The following ZSWIM3 variants were observed in gnomAD, a reference collection of about 807,000 sequenced individuals.
ZSWIM3 encodes zinc finger SWIM domain-containing protein 3.
In ZSWIM3, 27 loss-of-function variants were observed where a neutral mutation model predicts 47.5. The ratio of observed to expected loss-of-function variants is 0.57; its 90% confidence interval spans 0.42 to 0.78. ZSWIM3 has a LOEUF of 0.78. Among genes scored for constraint, ZSWIM3 ranks in the 30% least tolerant of loss-of-function variants. The pLI is 0.00. For missense variants in ZSWIM3, 689 were observed against 861.3 expected, an observed-to-expected ratio of 0.80 and a Z score of 2.50; for synonymous variants, 333 against 333.9, an observed-to-expected ratio of 1.00 and a Z score of 0.03.
At chr20:45,872,009 G>A (rs1373745552) in intron 1 of ZSWIM3, among the ~76,000 whole-genome samples, 1 of 152,180 alleles carries the variant, frequency 6.6e-6, no homozygotes, top group African/African-American at 2.4e-5. Context: ...CAGCATAATG[G>A]TTAACTAGTC....
At chr20:45,859,302 C>T (rs1985641186) in intron 1 of ZSWIM3, among the ~76,000 whole-genome samples, 2 of 151,788 alleles carry the variant, frequency 1.3e-5, no homozygotes, top group East Asian at 3.9e-4. Flanking sequence ...TTCTGAAGTC[C>T]AGTGCTATGC....
chr20:45,872,797 G>C (rs993863903), intron 1 of ZSWIM3: 1 of 1,289,298 alleles, frequency 7.8e-7, no homozygotes, highest in African/African-American at 1.5e-5. Context: ...GCTAGAGATG[G>C]CACCACCCCC....
chr20:45,865,059 C>T (rs889265212), intron 1 of ZSWIM3, among the ~76,000 whole-genome samples: 1 of 152,012 alleles, frequency 6.6e-6, no homozygotes, highest in African/African-American at 2.4e-5. Flanking sequence ...TGGCTCACAC[C>T]TGTAATCCCA....
chr20:45,867,414 T>C (rs1353837267), intron 1 of ZSWIM3, among the ~76,000 whole-genome samples: 1 of 152,168 alleles, frequency 6.6e-6, no homozygotes, highest in African/African-American at 2.4e-5. Context: ...ATTTTGACCT[T>C]TTTTGTGATT....
chr20:45,863,131 C>T (rs1438937450), intron 1 of ZSWIM3, among the ~76,000 whole-genome samples: 1 of 151,386 alleles, frequency 6.6e-6, no homozygotes, highest in Non-Finnish European at 1.5e-5. Context: ...ATTATGCCAC[C>T]GTATGGGCAA....
Position 45,857,954 on chromosome 20 carries a change from T to C in ZSWIM3, c.129T>C (p.His43=), listed in dbSNP as rs147767422. 7.0e-5 allele frequency: 88 copies of C among 1,265,356 alleles called. No homozygotes were observed. The highest frequency in any genetic ancestry group is 8.7e-5 in the Non-Finnish European group (83 of 951,700). The allele number at this position is 1,265,356 out of a possible 1,614,324, so 78.4% of individuals were successfully genotyped here. A position where few individuals can be genotyped will look rare whatever the true frequency, so the allele number is the denominator to read the frequency against. ...CCGTCCGCTTCCACAACCTCAACCATGGCACCTCCATCCGCGAAGACATCC... is the reference window on the plus strand; with the variant it reads ...CCGTCCGCTTCCACAACCTCAACCACGGCACCTCCATCCGCGAAGACATCC... ...CVSVRFHNLN[H]GTSIREDILY... The change falls in exon 1 of 2, where the codon CAT becomes CAC. Residue 43 remains histidine, a synonymous_variant. Transcript: ENST00000255152.
At chr20:45,858,447 C>T (rs573872508) in intron 1 of ZSWIM3, among the ~76,000 whole-genome samples, 2 of 152,194 alleles carry the variant, frequency 1.3e-5, no homozygotes, top group Non-Finnish European at 2.9e-5. Context: ...TGCAGTGGCA[C>T]AATCAGCTCA....
intron 1 of ZSWIM3, among the ~76,000 whole-genome samples, chr20:45,869,353 A>G (rs1985915871): frequency 6.6e-6 from 1 of 151,278 alleles, no homozygotes; most frequent in Non-Finnish European, 1.5e-5. Flanking sequence ...CCCTGTCACT[A>G]CTAAAAATAC....
chr20:45,858,056 A>G, intron 1 of ZSWIM3, 76 bp downstream of exon 1: 1 of 1,475,532 alleles, frequency 6.8e-7, no homozygotes, highest in Non-Finnish European at 9.2e-7. Context: ...CTGGAGGAGG[A>G]GGGGTGCATA....
rs565573659 is a variant in ZSWIM3, at chr20:45,876,337, G to A, written c.156-377G>A. Among the ~76,000 whole-genome samples the A allele has an allele frequency of 9.5e-4, 139 of 146,492 alleles. 1 individual carries two copies. The highest frequency in any genetic ancestry group is 3.2e-3 in the African/African-American group (125 of 39,314). ...TGGGATTACAGGTGTGAGCCACCGC[G>A]CCCAGCTGTTTGTTTTTTTGAGATA... On this transcript the variant is annotated intron_variant, in intron 1 of 1. Coordinates refer to ENST00000255152, the MANE Select transcript of ZSWIM3 (RefSeq NM_080752.4).
At chr20:45,872,984 C>G (rs1285541794) in intron 1 of ZSWIM3, among the ~76,000 whole-genome samples, 1 of 152,102 alleles carries the variant, frequency 6.6e-6, no homozygotes. Flanking sequence ...CCACGTCAGG[C>G]CAGGGGGTGA....
chr20:45,866,709 G>A (rs570118570), intron 1 of ZSWIM3, among the ~76,000 whole-genome samples: 103 of 152,160 alleles, frequency 6.8e-4, no homozygotes, highest in South Asian at 6.5e-3. Flanking sequence ...GGCTGAAGCC[G>A]GAGGATCACT....
intron 1 of ZSWIM3, chr20:45,872,921 G>A: frequency 3.4e-6 from 4 of 1,162,944 alleles, no homozygotes; most frequent in Non-Finnish European, 4.3e-6. Flanking sequence ...GAGCAAACTG[G>A]ACCAGCTGGA....
intron 1 of ZSWIM3, among the ~76,000 whole-genome samples, chr20:45,875,781 A>G (rs1056541363): frequency 2.6e-5 from 4 of 151,986 alleles, no homozygotes; most frequent in Non-Finnish European, 5.9e-5. Context: ...GATTACAGGC[A>G]TGAGCCACCA....
At chr20:45,861,908 T>A (rs1985717362) in intron 1 of ZSWIM3, among the ~76,000 whole-genome samples, 1 of 151,720 alleles carries the variant, frequency 6.6e-6, no homozygotes, top group African/African-American at 2.4e-5. Flanking sequence ...AGGTGAACAA[T>A]TTTAAAAGTG....
chr20:45,872,444 T>A (rs1477618948), intron 1 of ZSWIM3, among the ~76,000 whole-genome samples: 5 of 152,206 alleles, frequency 3.3e-5, no homozygotes, highest in Non-Finnish European at 7.3e-5. Context: ...TATAACTTGA[T>A]GAGCTAGAGT....
chr20:45,868,419 A>ATT (rs1985893478), intron 1 of ZSWIM3, among the ~76,000 whole-genome samples: 2 of 81,890 alleles, frequency 2.4e-5, no homozygotes, highest in Non-Finnish European at 5.3e-5. Context: ...AGTGTTTGGG[A>ATT]ATTTTTTTTT....
chr20:45,872,627 G>A, intron 1 of ZSWIM3: 1 of 1,015,360 alleles, frequency 9.8e-7, no homozygotes. Flanking sequence ...AGGTGAGACA[G>A]AGCATGGTGA....
At chr20:45,870,831 T>C (rs913810956) in intron 1 of ZSWIM3, among the ~76,000 whole-genome samples, 6 of 152,044 alleles carry the variant, frequency 3.9e-5, no homozygotes, top group Non-Finnish European at 8.8e-5. Flanking sequence ...GTAGCTGAGA[T>C]TACAGGTGTG....
Sources: allele counts gnomAD v4.1 joint callset (sites outside exome capture counted in the v4.1 genomes callset), GRCh38; gene constraint gnomAD v4.1.1; transcripts MANE v1.5; gene names NCBI Gene and HGNC (gene_info 2026-07-23, HGNC 2026-07-21).